PEPD: variants seen among roughly 807,000 people sequenced by gnomAD.
PEPD encodes the protein xaa-Pro dipeptidase.
Under a neutral mutation model 60.7 loss-of-function variants are expected in PEPD, and 53 were observed. The observed-to-expected ratio is 0.87, with a 90% CI of 0.70 to 1.10. The LOEUF is 1.10. PEPD is among the 50% of genes least tolerant of loss of function. The pLI is 0.00. For missense variants in PEPD, 711 were observed against 711.9 expected (o/e 1.00, Z 0.01); for synonymous variants, 267 against 284.1 (o/e 0.94, Z 0.60).
chr19:33,454,372 T>C (rs145162514), intron 9 of PEPD, among the ~76,000 whole-genome samples: 1,701 of 151,776 alleles, frequency 0.011, 26 homozygotes, highest in South Asian at 0.071. Context: ...GAGGCTGAGG[T>C]GGGAGGATCA....
chr19:33,473,772 A>G (rs1970168328), intron 7 of PEPD, among the ~76,000 whole-genome samples: 1 of 152,234 alleles, frequency 6.6e-6, no homozygotes, highest in Non-Finnish European at 1.5e-5. Context: ...TGAAGTTTCA[A>G]CTTTTGACCT....
chr19:33,435,665 G>C (rs1049574697), intron 9 of PEPD, among the ~76,000 whole-genome samples: 8 of 152,256 alleles, frequency 5.3e-5, no homozygotes, highest in Admixed American at 4.6e-4. Flanking sequence ...GCCACGCTTT[G>C]GCTGTTGTCC....
intron 7 of PEPD, among the ~76,000 whole-genome samples, chr19:33,468,259 G>A (rs933430007): frequency 2.0e-5 from 3 of 152,166 alleles, no homozygotes; most frequent in Non-Finnish European, 4.4e-5. Context: ...AGCTCCCAAA[G>A]GCCCACCCGT....
At position 33,407,062 on chromosome 19, in the gene PEPD, TC is replaced by T. The variant is rs375972985; in HGVS notation, c.818+4609del. ...ACAGGCTTGCTGCCCACCAGCTGCATCCCGACTGGGACAACCAAGGCCTGGG... is the reference window on the plus strand; with the variant it reads ...ACAGGCTTGCTGCCCACCAGCTGCATCCGACTGGGACAACCAAGGCCTGGG... On this transcript the variant is annotated intron_variant, in intron 11 of 14. Coordinates refer to ENST00000244137, the MANE Select transcript of PEPD (RefSeq NM_000285.4). 5.8e-4 allele frequency among the ~76,000 whole-genome samples: 88 copies of T among 152,284 alleles called. 1 individual carries two copies. Among genetic ancestry groups the T allele is most frequent in the African/African-American group, 2.1e-3 (86 of 41,572 alleles).
intron 9 of PEPD, among the ~76,000 whole-genome samples, chr19:33,425,354 G>C (rs548299141): frequency 6.6e-6 from 1 of 152,100 alleles, no homozygotes; most frequent in Non-Finnish European, 1.5e-5. Context: ...GATGATCCTA[G>C]TTCAACACAA....
intron 12 of PEPD, among the ~76,000 whole-genome samples, chr19:33,398,427 G>A (rs1450243231): frequency 3.3e-5 from 5 of 152,234 alleles, no homozygotes; most frequent in South Asian, 2.1e-4. Context: ...GCCCACCTTG[G>A]CACAGCTACA....
intron 12 of PEPD, among the ~76,000 whole-genome samples, chr19:33,399,801 ACTTGGCAGCTGCCAGCTCT>A (rs1968448069): frequency 6.6e-6 from 1 of 151,920 alleles, no homozygotes; most frequent in Non-Finnish European, 1.5e-5. Flanking sequence ...CTGAGGGCGC[ACTTGGCAGCTGCCAGCTCT>A]CTGTGGGTCC....
In PEPD at chr19:33,512,618, G is replaced by A. The variant is rs1280092673; in HGVS notation, c.176C>T (p.Thr59Ile). ...QGGEETQRYCTDTGVLFRQES... is the reference protein window; with the variant it reads ...QGGEETQRYCIDTGVLFRQES... ...CTGGCGGAAGAGGACCCCGGTGTCG[G>A]TGCAGTAGCGCTGAGTCTCCTCCCC... Residue 59 changes from threonine (T) to isoleucine (I), a missense_variant, in exon 2 of 15, where the codon ACC becomes ATC. Coordinates refer to ENST00000244137, the MANE Select transcript of PEPD (RefSeq NM_000285.4). 8 of 1,613,784 alleles carry A rather than the reference G, an allele frequency of 5.0e-6. No individual in the cohort carries two copies. In the East Asian group the frequency reaches 1.6e-4, roughly 31 times the overall value.
At chr19:33,512,534 G>A in intron 2 of PEPD, 59 bp downstream of exon 2, 1 of 1,548,946 alleles carries the variant, frequency 6.5e-7, no homozygotes, top group Non-Finnish European at 8.9e-7. Context: ...TCCAACTCCT[G>A]CTCAGGACAG....
Position 33,413,586 on chromosome 19 carries a change from G to A in PEPD, c.729C>T (p.Cys243=), listed in dbSNP as rs1193853101. 2 of 1,576,796 alleles carry A rather than the reference G, an allele frequency of 1.3e-6. No homozygotes were observed. Among genetic ancestry groups the A allele is most frequent in the Admixed American group, 1.8e-5 (1 of 55,716 alleles). The change falls in exon 10 of 15, where the codon TGC becomes TGT. Residue 243 remains cysteine, a synonymous_variant. Coordinates refer to ENST00000244137, the MANE Select transcript of PEPD (RefSeq NM_000285.4). The stretch of plus-strand genomic sequence containing the variant: ...GGTGCCCCGCTTACCTGCCGCAGAT[G>A]CAGGTGTAGGAGCTGTGGCGCATGC... ...RGGMRHSSYT[C]ICGSGENSAV... is the part of the protein sequence containing the mutation.
chr19:33,395,368 A>G (rs1158474373), intron 12 of PEPD, among the ~76,000 whole-genome samples: 1 of 152,016 alleles, frequency 6.6e-6, no homozygotes. Flanking sequence ...GAAGGAGAGG[A>G]GCCCCAGCTT....
intron 7 of PEPD, among the ~76,000 whole-genome samples, chr19:33,470,111 C>T (rs1389260343): frequency 6.6e-6 from 1 of 152,070 alleles, no homozygotes; most frequent in Non-Finnish European, 1.5e-5. Context: ...CGCTGCTTCC[C>T]ACATCCAATT....
intron 4 of PEPD, among the ~76,000 whole-genome samples, chr19:33,498,723 G>C (rs2145331935): frequency 6.6e-6 from 1 of 151,630 alleles, no homozygotes; most frequent in Middle Eastern, 3.4e-3. Flanking sequence ...TCCCGCCACA[G>C]TCCTTGAGAC....
intron 9 of PEPD, among the ~76,000 whole-genome samples, chr19:33,435,132 G>C (rs1435078935): frequency 6.6e-6 from 1 of 152,156 alleles, no homozygotes; most frequent in Non-Finnish European, 1.5e-5. Context: ...TCATCCATCC[G>C]GCATCTCCAG....
At chr19:33,393,448 G>C (rs1429042211) in intron 12 of PEPD, among the ~76,000 whole-genome samples, 1 of 151,648 alleles carries the variant, frequency 6.6e-6, no homozygotes, top group Non-Finnish European at 1.5e-5. Context: ...TCCCGGAAAA[G>C]GACACCTGGA....
At chr19:33,447,366 T>A (rs1235368950) in intron 9 of PEPD, among the ~76,000 whole-genome samples, 1 of 152,222 alleles carries the variant, frequency 6.6e-6, no homozygotes, top group Non-Finnish European at 1.5e-5. Context: ...GAGGGTGGAA[T>A]TCACATGAAG....
At chr19:33,427,118 C>T (rs1244489569) in intron 9 of PEPD, among the ~76,000 whole-genome samples, 3 of 152,268 alleles carry the variant, frequency 2.0e-5, no homozygotes, top group Non-Finnish European at 4.4e-5. Context: ...CTATTTATCA[C>T]TTTGAAAGTC....
intron 6 of PEPD, among the ~76,000 whole-genome samples, chr19:33,489,660 GGT>G (rs1340105538): frequency 2.0e-5 from 3 of 151,888 alleles, no homozygotes; most frequent in Non-Finnish European, 4.4e-5. Context: ...GAAAGGGGGT[GGT>G]GGCTTGATGC....
At chr19:33,447,421 C>A (rs1053409186) in intron 9 of PEPD, among the ~76,000 whole-genome samples, 1 of 152,206 alleles carries the variant, frequency 6.6e-6, no homozygotes, top group Non-Finnish European at 1.5e-5. Flanking sequence ...GACCCCAGAT[C>A]CATTTCCCGC....
Sources: allele counts gnomAD v4.1 joint callset (sites outside exome capture counted in the v4.1 genomes callset), GRCh38; gene constraint gnomAD v4.1.1; transcripts MANE v1.5; gene names NCBI Gene and HGNC (gene_info 2026-07-23, HGNC 2026-07-21).